CFAP74: variants seen among roughly 807,000 people sequenced by gnomAD.
CFAP74 encodes the protein cilia- and flagella-associated protein 74.
In CFAP74, 124 loss-of-function variants were observed where a neutral mutation model predicts 188.9. That is an observed-to-expected ratio of 0.66 (90% CI 0.57 to 0.76). The LOEUF (loss-of-function observed/expected upper bound fraction) is 0.76, where lower values mean the gene tolerates loss of function less well. Among genes scored for constraint, CFAP74 ranks in the 30% least tolerant of loss-of-function variants. CFAP74 has a pLI of 0.00. For synonymous variants in CFAP74, 956 were observed against 916.7 expected, an observed-to-expected ratio of 1.04 and a Z score of -0.77; for missense variants, 2,198 against 2,165.2, an observed-to-expected ratio of 1.02 and a Z score of -0.30.
At chr1:1,961,964 GGAGAA>G (rs146756008) in intron 14 of CFAP74, among the ~76,000 whole-genome samples, 1 of 152,358 alleles carries the variant, frequency 6.6e-6, no homozygotes, top group East Asian at 1.9e-4. Flanking sequence ...ATGCCTCGTG[GGAGAA>G]GAGGAGGCCC....
Position 1,925,899 on chromosome 1 carries a change from G to C in CFAP74, c.3988C>G (p.Leu1330Val). ...CCAGTGCCCATGAGGGTGAGGGTGAGCGTGCCTCTCTTGGTGATGATGTCC... is the reference window on the plus strand; with the variant it reads ...CCAGTGCCCATGAGGGTGAGGGTGACCGTGCCTCTCTTGGTGATGATGTCC... Reference protein sequence around the residue: ...TLDIITKRGTLTLTLMGTGVA... With the variant: ...TLDIITKRGTVTLTLMGTGVA... The change falls in exon 33 of 39, where the codon CTC (leucine) becomes GTC (valine). Residue 1330 changes from leucine to valine, a missense_variant. Physicochemically the swap from Leu to Val is conservative, Grantham distance 32. Transcript: ENST00000682832. 2 of 1,612,530 alleles carry C rather than the reference G, an allele frequency of 1.2e-6. No homozygotes were observed. Among genetic ancestry groups the C allele is most frequent in the South Asian group, 1.1e-5 (1 of 91,054 alleles).
chr1:1,929,602 G>A (rs983173149), intron 26 of CFAP74, among the ~76,000 whole-genome samples: 3 of 151,680 alleles, frequency 2.0e-5, no homozygotes, highest in African/African-American at 7.3e-5. Context: ...TTAGGCCTTC[G>A]GCAGCCCTCA....
At position 1,942,384 on chromosome 1, in the gene CFAP74, A is replaced by T. The variant is rs1214920722; in HGVS notation, c.2487-228T>A. 2.0e-5 allele frequency among the ~76,000 whole-genome samples: 3 copies of T among 152,226 alleles called. No individual in the cohort carries two copies. Among genetic ancestry groups the T allele is most frequent in the African/African-American group, 7.2e-5 (3 of 41,458 alleles). On this transcript the variant is annotated intron_variant, in intron 21 of 38. Coordinates refer to ENST00000682832, the MANE Select transcript of CFAP74 (RefSeq NM_001304360.2). The surrounding 1 kb of genome is among the most constrained non-coding windows in gnomAD (Gnocchi z 4.3). Reference sequence around the variant, plus strand: ...AATCTGATGAAGAATTCTTAAAAATAACCACATCGAAACGGAAGCACGGTC... The same window carrying T: ...AATCTGATGAAGAATTCTTAAAAATTACCACATCGAAACGGAAGCACGGTC...
At position 1,981,598 on chromosome 1, in the gene CFAP74, G is replaced by A. The variant is rs1206563884; in HGVS notation, c.500+3788C>T. Among the ~76,000 whole-genome samples the A allele has an allele frequency of 1.0e-3, 82 of 80,368 alleles. 5 individuals are homozygous for A. The highest frequency in any genetic ancestry group is 5.6e-3 in the Admixed American group (48 of 8,622). 52.7% of individuals were successfully genotyped at this position (80,368 alleles called of 152,430 possible). ...CAGCCGTGGACAGACACGGGGACAC[G>A]CAGGACACACAGCCGCGGACAGACA... is the stretch of plus-strand genomic sequence containing the variant. On this transcript the variant is annotated intron_variant, in intron 6 of 38. Coordinates refer to ENST00000682832, the MANE Select transcript of CFAP74 (RefSeq NM_001304360.2).
rs1388745038 is a variant in CFAP74, at chr1:1,972,022, C to G, written c.846G>C (p.Met282Ile). Residue 282 changes from methionine to isoleucine, a missense_variant, in exon 9 of 39, where the codon ATG (methionine) becomes ATC (isoleucine). By Grantham distance (10) the Met-to-Ile change is conservative. Transcript: ENST00000682832. ...MECHEYMRRR[M>I]DAVVALKGSI... ...TGCCCTTCAGCGCCACCACCGCATC[C>G]ATGCGTCGCCTCATGTACTCGTGGC... The G allele has an allele frequency of 3.1e-6, 5 of 1,612,740 alleles. No individual in the cohort carries two copies. The African/African-American group carries it at 6.7e-5, about 22-fold the overall frequency.
At chr1:1,997,866 G>A (rs1331676600) in intron 1 of CFAP74, among the ~76,000 whole-genome samples, 1 of 152,158 alleles carries the variant, frequency 6.6e-6, no homozygotes, top group South Asian at 2.1e-4. Context: ...GAGACAAGTC[G>A]GCCACATGCA....
intron 33 of CFAP74, 111 bp from the exon 34 acceptor site, chr1:1,924,631 A>G (rs1651709134): frequency 2.4e-6 from 3 of 1,274,724 alleles, no homozygotes; most frequent in Non-Finnish European, 3.2e-6. Context: ...CCAAGTGGGG[A>G]CCCGGGTGGC....
At position 1,924,496 on chromosome 1, in the gene CFAP74, TG is replaced by T. The variant is rs780377426; in HGVS notation, c.4128del (p.Ile1377SerfsTer95). 1.2e-6 allele frequency: 2 copies of T among 1,603,192 alleles called. No individual in the cohort carries two copies. The highest frequency in any genetic ancestry group is 2.2e-5 in the South Asian group (2 of 89,958). ...CTGTCCAGGTGCATGGAGAACTTGA[TG>T]GGGAGCAGAGAGTTGTTCTGCAGCT... Reference protein sequence around the residue: ...GFKLQNNSLLPIKFSMHLDSL... With the variant: ...GFKLQNNSLLXIKFSMHLDSL... On this transcript the variant is annotated frameshift_variant, in exon 34 of 39. Transcript: ENST00000682832. LOFTEE classifies it high-confidence loss of function.
intron 14 of CFAP74, among the ~76,000 whole-genome samples, chr1:1,961,852 C>T (rs1252406461): frequency 1.3e-5 from 2 of 152,220 alleles, no homozygotes; most frequent in Non-Finnish European, 2.9e-5. Context: ...CCAAAGAGAA[C>T]ATCACAGCCT....
In CFAP74 at chr1:1,942,154, G is replaced by C; in HGVS notation, c.2489C>G (p.Ser830Trp). 17 of 1,512,038 alleles carry C rather than the reference G, an allele frequency of 1.1e-5. No homozygotes were observed. Among genetic ancestry groups the C allele is most frequent in the Non-Finnish European group, 1.5e-5 (17 of 1,135,840 alleles). 93.7% of individuals were successfully genotyped at this position (1,512,038 alleles called of 1,614,324 possible). ...GAACTTCAGGCGCAGGGCAGCTTTCGACCTGTGGGCGTGTCGCAGGGCACT... is the reference window on the plus strand; with the variant it reads ...GAACTTCAGGCGCAGGGCAGCTTTCCACCTGTGGGCGTGTCGCAGGGCACT... ...YQDSVLVHTR[S>W]KAALRLKFEV... The change falls in exon 22 of 39, where the codon TCG becomes TGG. Residue 830 changes from serine (S) to tryptophan (W), a missense_variant and splice_region_variant. Physicochemically the swap from Ser to Trp is radical, Grantham distance 177. Coordinates refer to ENST00000682832, the MANE Select transcript of CFAP74 (RefSeq NM_001304360.2). This position sits in a 1 kb window ranked among gnomAD's most constrained non-coding sequence, Gnocchi z 4.3.
At chr1:1,932,592 CTTTTTTTCTTTT>C (rs1265557483) in intron 25 of CFAP74, among the ~76,000 whole-genome samples, 2 of 150,178 alleles carry the variant, frequency 1.3e-5, no homozygotes, top group Admixed American at 1.3e-4. Context: ...TTTTTTCTTT[CTTTTTTTCTTTT>C]TTTTTTTGAG....
At chr1:1,992,523 G>C (rs921499925) in intron 1 of CFAP74, among the ~76,000 whole-genome samples, 2 of 151,636 alleles carry the variant, frequency 1.3e-5, no homozygotes, top group African/African-American at 2.4e-5. Flanking sequence ...TCCCAGGCTG[G>C]AGTGCAGTGG....
chr1:1,956,389 C>G (rs1654630178), intron 17 of CFAP74, among the ~76,000 whole-genome samples: 1 of 152,178 alleles, frequency 6.6e-6, no homozygotes, highest in African/African-American at 2.4e-5. Context: ...TGCTACGTGC[C>G]TGAGAAAGGG....
Position 1,923,854 on chromosome 1 carries a change from T to A in CFAP74, c.4310A>T (p.Gln1437Leu). ...GGGGCTGAAGGTGACAGTGAAGTCTTGTGTCTTCCCGGGGTCCATGACGCC... is the reference window on the plus strand; with the variant it reads ...GGGGCTGAAGGTGACAGTGAAGTCTAGTGTCTTCCCGGGGTCCATGACGCC... The part of the protein sequence containing the change: ...VKGVMDPGKT[Q>L]DFTVTFSPDH... Residue 1437 changes from glutamine (Q) to leucine (L), a missense_variant, in exon 35 of 39, where the codon CAA (glutamine) becomes CTA (leucine). Transcript: ENST00000682832. This position sits in a 1 kb window ranked among gnomAD's most constrained non-coding sequence, Gnocchi z 6.3. 1.9e-6 allele frequency: 3 copies of A among 1,613,300 alleles called. No individual in the cohort carries two copies. The highest frequency in any genetic ancestry group is 2.5e-6 in the Non-Finnish European group (3 of 1,179,754).
intron 1 of CFAP74, among the ~76,000 whole-genome samples, chr1:1,997,457 A>C (rs890336373): frequency 6.6e-6 from 1 of 152,112 alleles, no homozygotes; most frequent in Admixed American, 6.6e-5. Flanking sequence ...GGCATAAGGA[A>C]TGGAAGGGAA....
In CFAP74 at chr1:1,966,479, G is replaced by A. The variant is rs370517519; in HGVS notation, c.1293C>T (p.Val431=). 3.7e-6 allele frequency: 6 copies of A among 1,600,510 alleles called. No homozygotes were observed. Among genetic ancestry groups the A allele is most frequent in the African/African-American group, 2.7e-5 (2 of 74,380 alleles). The change falls in exon 12 of 39, where the codon GTC becomes GTT. Residue 431 remains valine (V), a synonymous_variant. Transcript: ENST00000682832. ...AGPGPSRLLE[V]VSSELIQGDP... ...CCCCCTGGATAAGCTCACTGGAAACGACTTCCAGCAACCGAGAGGGCCCGG... is the reference window on the plus strand; with the variant it reads ...CCCCCTGGATAAGCTCACTGGAAACAACTTCCAGCAACCGAGAGGGCCCGG...
intron 25 of CFAP74, among the ~76,000 whole-genome samples, chr1:1,932,098 A>AAAAAAAAAC (rs1557993372): frequency 8.1e-6 from 1 of 123,322 alleles, no homozygotes; most frequent in African/African-American, 2.8e-5. Flanking sequence ...AAAAAACAAA[A>AAAAAAAAAC]AACTTAGAAA....
At chr1:1,936,785 T>A (rs1237178149) in intron 25 of CFAP74, among the ~76,000 whole-genome samples, 1 of 149,980 alleles carries the variant, frequency 6.7e-6, no homozygotes, top group African/African-American at 2.5e-5. Flanking sequence ...GTTCCTGTAG[T>A]CCTAGCCACA....
intron 6 of CFAP74, 34 bp downstream of exon 6, chr1:1,985,351 TG>T: frequency 6.4e-7 from 1 of 1,570,632 alleles, no homozygotes; most frequent in Non-Finnish European, 8.8e-7. Context: ...TTCTGGGGCC[TG>T]CCTGCTGCCA....
Sources: gnomAD v4.1 joint callset for allele counts (sites outside exome capture counted in the v4.1 genomes callset) on GRCh38, gnomAD v4.1.1 for gene constraint, Gnocchi (gnomAD v3.1) non-coding constraint, MANE v1.5 for transcripts, NCBI Gene and HGNC (gene_info 2026-07-23, HGNC 2026-07-21) for gene names.